Variants in NFKB1 observed in about 807,000 individuals in gnomAD.
NFKB1 encodes the protein nuclear factor kappa B subunit 1.
Under a neutral mutation model 105.1 loss-of-function variants are expected in NFKB1, and 9 were observed. That is an observed-to-expected ratio of 0.09 (90% CI 0.05 to 0.15). The LOEUF (loss-of-function observed/expected upper bound fraction) is 0.15. Among genes scored for constraint, NFKB1 ranks in the 10% least tolerant of loss-of-function variants. The pLI, the probability that NFKB1 is intolerant of heterozygous loss-of-function variation, is 1.00. For missense variants in NFKB1, 830 were observed against 1,203.7 expected (o/e 0.69, Z 4.59); for synonymous variants, 440 against 442.2 (o/e 1.00, Z 0.06).
chr4:102,571,516 CAA>C lies in NFKB1; in HGVS notation c.407+4384_407+4385del, dbSNP rs535984306. On this transcript the variant is annotated intron_variant, in intron 6 of 23. Coordinates refer to ENST00000226574, the MANE Select transcript of NFKB1 (RefSeq NM_003998.4). Reference sequence around the variant, plus strand: ...ATTAAACTAAAGAGCTTCTCCGCAGCAAAAGAAACTACCATCAGAGTGAACAG... The same window carrying C: ...ATTAAACTAAAGAGCTTCTCCGCAGCAAGAAACTACCATCAGAGTGAACAG... 1.5e-3 allele frequency among the ~76,000 whole-genome samples: 235 copies of C among 152,216 alleles called. 1 individual carries two copies. The highest frequency in any genetic ancestry group is 5.5e-3 in the African/African-American group (229 of 41,522).
At chr4:102,590,707 TC>T (rs1179479826) in intron 11 of NFKB1, among the ~76,000 whole-genome samples, 2 of 152,186 alleles carry the variant, frequency 1.3e-5, no homozygotes, top group Non-Finnish European at 2.9e-5. Flanking sequence ...TCCTCAGGCT[TC>T]CCTATTCCCT....
At chr4:102,542,908 A>G (rs1179350600) in intron 5 of NFKB1, among the ~76,000 whole-genome samples, 1 of 152,236 alleles carries the variant, frequency 6.6e-6, no homozygotes, top group African/African-American at 2.4e-5. Context: ...TAGGGGAAGT[A>G]AGTATGCAGA....
At chr4:102,615,727 A>G (rs2149236522) in intron 23 of NFKB1, among the ~76,000 whole-genome samples, 1 of 152,382 alleles carries the variant, frequency 6.6e-6, no homozygotes, top group South Asian at 2.1e-4. Flanking sequence ...AAATCAGTCA[A>G]TACCAAAATG....
intron 5 of NFKB1, among the ~76,000 whole-genome samples, chr4:102,564,389 A>C (rs1474509887): frequency 2.0e-5 from 3 of 152,188 alleles, no homozygotes; most frequent in Non-Finnish European, 4.4e-5. Context: ...TAACTTGCAA[A>C]TAGTATCACT....
chr4:102,551,488 G>T (rs1478014652), intron 5 of NFKB1, among the ~76,000 whole-genome samples: 1 of 152,096 alleles, frequency 6.6e-6, no homozygotes, highest in East Asian at 1.9e-4. Context: ...AATGCAAGTG[G>T]AATTTGACAG....
At chr4:102,536,236 T>C (rs1741627978) in intron 4 of NFKB1, among the ~76,000 whole-genome samples, 1 of 152,166 alleles carries the variant, frequency 6.6e-6, no homozygotes, top group African/African-American at 2.4e-5. Context: ...TTGTAAATTA[T>C]TTTTAAATAT....
At chr4:102,542,919 C>G (rs538047170) in intron 5 of NFKB1, among the ~76,000 whole-genome samples, 1 of 152,192 alleles carries the variant, frequency 6.6e-6, no homozygotes, top group African/African-American at 2.4e-5. Context: ...AGTATGCAGA[C>G]TAACTCTTAT....
intron 5 of NFKB1, among the ~76,000 whole-genome samples, chr4:102,551,399 G>A (rs1394327573): frequency 1.4e-5 from 2 of 147,826 alleles, no homozygotes; most frequent in Non-Finnish European, 3.0e-5. Flanking sequence ...TGTGTGTGTT[G>A]AGGTGGACTG....
chr4:102,548,463 G>A (rs1447334010), intron 5 of NFKB1, among the ~76,000 whole-genome samples: 1 of 152,108 alleles, frequency 6.6e-6, no homozygotes, highest in Admixed American at 6.6e-5. Flanking sequence ...AAACTGCGTC[G>A]ACGGTCACTG....
intron 15 of NFKB1, among the ~76,000 whole-genome samples, chr4:102,600,473 C>T (rs1013235768): frequency 2.0e-5 from 3 of 152,174 alleles, no homozygotes; most frequent in Non-Finnish European, 2.9e-5. Flanking sequence ...CTGAACAATT[C>T]CTAGTGCCAG....
intron 1 of NFKB1, among the ~76,000 whole-genome samples, chr4:102,509,674 GC>G (rs1739650335): frequency 6.6e-6 from 1 of 152,138 alleles, no homozygotes; most frequent in Non-Finnish European, 1.5e-5. Flanking sequence ...GCGGTTGTTA[GC>G]CTGTTAGGGT....
intron 6 of NFKB1, among the ~76,000 whole-genome samples, chr4:102,573,538 G>A (rs1342445909): frequency 1.3e-5 from 2 of 151,732 alleles, no homozygotes; most frequent in Non-Finnish European, 2.9e-5. Context: ...CATGTTGCTT[G>A]TGCTTGGGGT....
intron 5 of NFKB1, among the ~76,000 whole-genome samples, chr4:102,559,709 A>C (rs1723245820): frequency 6.6e-6 from 1 of 152,028 alleles, no homozygotes; most frequent in African/African-American, 2.4e-5. Context: ...TAGGAGGCTT[A>C]GGTGGGAAGC....
At chr4:102,563,789 G>A (rs939075608) in intron 5 of NFKB1, among the ~76,000 whole-genome samples, 4 of 141,426 alleles carry the variant, frequency 2.8e-5, no homozygotes, top group Non-Finnish European at 6.2e-5. Flanking sequence ...TGTCACCTTT[G>A]TCTCCTTGAC....
Position 102,511,254 on chromosome 4 carries a change from A to C in NFKB1, c.-8+9466A>C, listed in dbSNP as rs114095096. Reference sequence around the variant, plus strand: ...GTAGGGTTTTATTTCTTTAACAGTGATTTATTTGAATATATGTTGAGTCCT... The same window carrying C: ...GTAGGGTTTTATTTCTTTAACAGTGCTTTATTTGAATATATGTTGAGTCCT... On this transcript the variant is annotated intron_variant, in intron 1 of 23. Transcript: ENST00000226574. 2.6e-3 allele frequency among the ~76,000 whole-genome samples: 401 copies of C among 152,328 alleles called. 1 individual carries two copies. The highest frequency in any genetic ancestry group is 5.1e-3 in the Non-Finnish European group (344 of 68,022).
chr4:102,510,185 T>G (rs1739687633), intron 1 of NFKB1, among the ~76,000 whole-genome samples: 1 of 152,216 alleles, frequency 6.6e-6, no homozygotes, highest in Non-Finnish European at 1.5e-5. Context: ...TCCCTCCCCT[T>G]TCCATAAAGA....
chr4:102,514,888 G>A (rs907935467), intron 1 of NFKB1, among the ~76,000 whole-genome samples: 3 of 151,982 alleles, frequency 2.0e-5, no homozygotes, highest in African/African-American at 7.3e-5. Context: ...TACTTTATCT[G>A]ATATTTTAGA....
At chr4:102,541,354 G>C (rs1186871253) in intron 5 of NFKB1, among the ~76,000 whole-genome samples, 1 of 152,114 alleles carries the variant, frequency 6.6e-6, no homozygotes, top group African/African-American at 2.4e-5. Context: ...TTTTATAAAC[G>C]TGCCTTTCTT....
intron 6 of NFKB1, among the ~76,000 whole-genome samples, chr4:102,567,794 C>G (rs1723998402): frequency 6.6e-6 from 1 of 152,098 alleles, no homozygotes; most frequent in Non-Finnish European, 1.5e-5. Context: ...AAGAATTAAG[C>G]TTTTAAATAA....
Sources: allele counts gnomAD v4.1 joint callset (sites outside exome capture counted in the v4.1 genomes callset), GRCh38; gene constraint gnomAD v4.1.1; transcripts MANE v1.5; gene names NCBI Gene and HGNC (gene_info 2026-07-23, HGNC 2026-07-21).